ATOH8: variants seen among roughly 807,000 people sequenced by gnomAD.
ATOH8 encodes transcription factor ATOH8.
Under a neutral mutation model 21.2 loss-of-function variants are expected in ATOH8, and 9 were observed. That is an observed-to-expected ratio of 0.42 (90% CI 0.26 to 0.74). The LOEUF (loss-of-function observed/expected upper bound fraction) is 0.74, where lower values mean the gene tolerates loss of function less well. Among genes scored for constraint, ATOH8 ranks in the 30% least tolerant of loss-of-function variants. The pLI is 0.24. For synonymous variants in ATOH8, 253 were observed against 224.0 expected, an observed-to-expected ratio of 1.13 and a Z score of -1.16; for missense variants, 524 against 470.9, an observed-to-expected ratio of 1.11 and a Z score of -1.04.
intron 2 of ATOH8, among the ~76,000 whole-genome samples, chr2:85,781,486 G>C (rs528871546): frequency 1.3e-5 from 2 of 152,242 alleles, no homozygotes; most frequent in South Asian, 4.1e-4. Flanking sequence ...AGAATCATTT[G>C]AACCCAAGAG....
intron 1 of ATOH8, among the ~76,000 whole-genome samples, chr2:85,763,039 A>G (rs1440996898): frequency 7.9e-6 from 1 of 127,296 alleles, no homozygotes; most frequent in Non-Finnish European, 1.8e-5. Flanking sequence ...GATCCTCAAG[A>G]GCCATAGCGA....
At chr2:85,758,691 T>C (rs1354391574) in intron 1 of ATOH8, among the ~76,000 whole-genome samples, 1 of 152,110 alleles carries the variant, frequency 6.6e-6, no homozygotes, top group East Asian at 1.9e-4. Context: ...AGAGAGGCCC[T>C]CTGGTCTGGT....
At chr2:85,774,767 A>C (rs1239285217) in intron 2 of ATOH8, 1 of 985,098 alleles carries the variant, frequency 1.0e-6, no homozygotes, top group Non-Finnish European at 1.2e-6. Flanking sequence ...CTGGCCGGTC[A>C]CTCCCTATGT....
Position 85,754,789 on chromosome 2 carries a change from C to T in ATOH8, c.600C>T (p.Tyr200=). 6.2e-7 allele frequency: 1 copy of T among 1,612,972 alleles called. No individual in the cohort carries two copies. The highest frequency in any genetic ancestry group is 8.5e-7 in the Non-Finnish European group (1 of 1,179,872). ...ACTCGTCAATTTCACACGTAATTTACAATAACCACCAGGATTCCTCCGCGT... is the reference window on the plus strand; with the variant it reads ...ACTCGTCAATTTCACACGTAATTTATAATAACCACCAGGATTCCTCCGCGT... ...SSYSSISHVI[Y]NNHQDSSASP... is the part of the protein sequence containing the mutation. Residue 200 remains tyrosine (Y), a synonymous_variant, in exon 1 of 3, where the codon TAC becomes TAT. Transcript: ENST00000306279.
At chr2:85,778,467 T>C (rs557777432) in intron 2 of ATOH8, among the ~76,000 whole-genome samples, 88 of 152,168 alleles carry the variant, frequency 5.8e-4, no homozygotes, top group Non-Finnish European at 1.1e-3. Context: ...TAAAACTGCA[T>C]TTGCATGGAA....
chr2:85,782,254 T>C (rs1034555268), intron 2 of ATOH8, among the ~76,000 whole-genome samples: 3 of 152,240 alleles, frequency 2.0e-5, no homozygotes, highest in Admixed American at 2.0e-4. Context: ...TAGAAGGCTG[T>C]ATCAAAATTG....
intron 2 of ATOH8, among the ~76,000 whole-genome samples, chr2:85,777,903 G>A (rs532639591): frequency 4.6e-4 from 70 of 152,310 alleles, no homozygotes; most frequent in African/African-American, 1.6e-3. Context: ...ACCGAAGGGC[G>A]GCTCCTCTGT....
chr2:85,781,824 G>T (rs919633498), intron 2 of ATOH8, among the ~76,000 whole-genome samples: 3 of 152,092 alleles, frequency 2.0e-5, no homozygotes, highest in African/African-American at 4.8e-5. Flanking sequence ...GTGGCAGTGA[G>T]CCTTGTTTGC....
intron 2 of ATOH8, among the ~76,000 whole-genome samples, chr2:85,777,942 T>C (rs1310613024): frequency 2.6e-5 from 4 of 152,202 alleles, no homozygotes; most frequent in Non-Finnish European, 5.9e-5. Context: ...CCTGGTGATC[T>C]GAAGTGGAGA....
chr2:85,781,050 T>C, intron 2 of ATOH8: 2 of 988,052 alleles, frequency 2.0e-6, no homozygotes, highest in Non-Finnish European at 2.4e-6. Flanking sequence ...TTGGAGAAGA[T>C]GTGAAAGCAG....
intron 2 of ATOH8, chr2:85,773,502 G>C (rs1446587077): frequency 6.5e-6 from 1 of 153,148 alleles, no homozygotes; most frequent in Non-Finnish European, 1.5e-5. Flanking sequence ...AGTTGGGCCT[G>C]GGGCTGCCAT....
At chr2:85,772,786 C>G (rs919889650) in intron 2 of ATOH8, 5 of 456,518 alleles carry the variant, frequency 1.1e-5, no homozygotes, top group African/African-American at 1.0e-4. Context: ...CCGCTGTTTT[C>G]TCTTGACTTT....
At chr2:85,764,275 G>A in intron 2 of ATOH8, 93 bp downstream of exon 2, 1 of 1,496,654 alleles carries the variant, frequency 6.7e-7, no homozygotes, top group Admixed American at 1.8e-5. Context: ...CCAGAATTCT[G>A]AAGGGGCCAG....
chr2:85,780,932 G>T (rs1421489640), intron 2 of ATOH8: 2 of 986,952 alleles, frequency 2.0e-6, no homozygotes, highest in Non-Finnish European at 1.2e-6. Context: ...GGCAGGAGGT[G>T]CTGGAGGCCG....
intron 1 of ATOH8, among the ~76,000 whole-genome samples, chr2:85,761,364 G>A (rs1364329475): frequency 6.6e-6 from 1 of 152,224 alleles, no homozygotes; most frequent in East Asian, 1.9e-4. Context: ...CACAGTGTCA[G>A]ATATACAGGA....
chr2:85,778,759 A>C (rs1352325499), intron 2 of ATOH8, among the ~76,000 whole-genome samples: 1 of 152,212 alleles, frequency 6.6e-6, no homozygotes, highest in Non-Finnish European at 1.5e-5. Context: ...TGATGGGAGC[A>C]GTTCCCAGTC....
intron 2 of ATOH8, among the ~76,000 whole-genome samples, chr2:85,784,625 G>A (rs1227366121): frequency 6.6e-6 from 1 of 152,182 alleles, no homozygotes; most frequent in Non-Finnish European, 1.5e-5. Context: ...CCTTTGACAT[G>A]CTAATACATA....
chr2:85,784,159 A>G (rs145766127), intron 2 of ATOH8, among the ~76,000 whole-genome samples: 1 of 152,270 alleles, frequency 6.6e-6, no homozygotes, highest in Non-Finnish European at 1.5e-5. Context: ...GTCTCTGTGA[A>G]ATGCCCTTTT....
At chr2:85,778,616 G>A (rs980075104) in intron 2 of ATOH8, among the ~76,000 whole-genome samples, 1 of 152,226 alleles carries the variant, frequency 6.6e-6, no homozygotes, top group South Asian at 2.1e-4. Flanking sequence ...GAGAAGCACT[G>A]TGATCTCTGC....
Sources: allele counts gnomAD v4.1 joint callset (sites outside exome capture counted in the v4.1 genomes callset), GRCh38; gene constraint gnomAD v4.1.1; transcripts MANE v1.5; gene names NCBI Gene and HGNC (gene_info 2026-07-23, HGNC 2026-07-21).